PTPRK: variants seen among roughly 807,000 people sequenced by gnomAD.
PTPRK encodes the protein receptor-type tyrosine-protein phosphatase kappa.
A neutral mutation model predicts 178.0 loss-of-function variants in PTPRK; 75 were observed. The observed-to-expected ratio is 0.42, with a 90% CI of 0.35 to 0.51. PTPRK has a LOEUF of 0.51. Among genes scored for constraint, PTPRK ranks in the 20% least tolerant of loss-of-function variants. The probability of loss-of-function intolerance (pLI) is 0.02; values close to 1 mark genes in which losing one functional copy is unlikely to be tolerated. For missense variants in PTPRK, 1,441 were observed against 1,797.8 expected (o/e 0.80, Z 3.59); for synonymous variants, 637 against 620.6 (o/e 1.03, Z -0.39).
intron 7 of PTPRK, among the ~76,000 whole-genome samples, chr6:128,157,171 A>T (rs1180481600): frequency 6.6e-6 from 1 of 151,994 alleles, no homozygotes; most frequent in African/African-American, 2.4e-5. Flanking sequence ...GATCACAGGA[A>T]GTTGTTCCAG....
chr6:128,058,691 T>TA (rs1190039613), intron 13 of PTPRK, among the ~76,000 whole-genome samples: 1 of 152,064 alleles, frequency 6.6e-6, no homozygotes, highest in Non-Finnish European at 1.5e-5. Context: ...ATCTCCTGTC[T>TA]AAAAAATCCT....
chr6:128,114,520 T>A (rs1392331816), intron 7 of PTPRK, among the ~76,000 whole-genome samples: 1 of 149,954 alleles, frequency 6.7e-6, no homozygotes, highest in East Asian at 2.0e-4. Flanking sequence ...CTTGGAAGAA[T>A]GAGGCAAGAG....
intron 5 of PTPRK, among the ~76,000 whole-genome samples, chr6:128,224,169 A>G (rs1810883624): frequency 6.6e-6 from 1 of 152,190 alleles, no homozygotes; most frequent in Non-Finnish European, 1.5e-5. Flanking sequence ...TCACACAAAT[A>G]TATGATCCAA....
rs1407807055 is a variant in PTPRK at position 128,519,479 on chromosome 6, C to T, written c.100+780G>A. 6.6e-6 allele frequency among the ~76,000 whole-genome samples: 1 copy of T among 152,092 alleles called. No individual in the cohort carries two copies. The highest frequency in any genetic ancestry group is 1.5e-5 in the Non-Finnish European group (1 of 68,016). ...GATCCGGGGAGCGCGGGGCCAGAGC[C>T]CCAGGCCGGATCCGGGGAGCGCGGG... On this transcript the variant is annotated intron_variant, in intron 1 of 29. Transcript: ENST00000368226. The surrounding 1 kb of genome is among the most constrained non-coding windows in gnomAD (Gnocchi z 4.3).
At chr6:128,122,828 C>T (rs568268934) in intron 7 of PTPRK, among the ~76,000 whole-genome samples, 10 of 152,226 alleles carry the variant, frequency 6.6e-5, no homozygotes, top group African/African-American at 2.4e-4. Flanking sequence ...TAAGAAAATT[C>T]TAACACTTGG....
chr6:128,268,837 T>C (rs1819353486), intron 3 of PTPRK, among the ~76,000 whole-genome samples: 1 of 152,084 alleles, frequency 6.6e-6, no homozygotes, highest in African/African-American at 2.4e-5. Flanking sequence ...CTTTGCTAGC[T>C]ATATATTCTC....
At chr6:128,402,474 A>C (rs576971114) in intron 1 of PTPRK, among the ~76,000 whole-genome samples, 2 of 152,270 alleles carry the variant, frequency 1.3e-5, no homozygotes, top group African/African-American at 4.8e-5. Flanking sequence ...GGATGGTCTC[A>C]ATCTCTTGAC....
chr6:128,210,752 A>G (rs1378018865), intron 6 of PTPRK, among the ~76,000 whole-genome samples: 1 of 152,128 alleles, frequency 6.6e-6, no homozygotes, highest in African/African-American at 2.4e-5. Context: ...TAGCATGGCA[A>G]CATGAGAGTA....
chr6:128,176,647 CT>C (rs1023609805), intron 7 of PTPRK, among the ~76,000 whole-genome samples: 2 of 151,744 alleles, frequency 1.3e-5, no homozygotes, highest in African/African-American at 2.4e-5. Flanking sequence ...TTTGAACATG[CT>C]TTTTTTCCCC....
chr6:128,081,155 A>G (rs1385499520), intron 10 of PTPRK, among the ~76,000 whole-genome samples: 2 of 152,040 alleles, frequency 1.3e-5, no homozygotes, highest in Non-Finnish European at 1.5e-5. Context: ...CTAATTCCAG[A>G]GGGTAGAAAA....
intron 2 of PTPRK, 127 bp from the exon 3 acceptor site, chr6:128,322,437 GC>G: frequency 2.3e-6 from 2 of 882,946 alleles, no homozygotes; most frequent in Non-Finnish European, 3.5e-6. Context: ...CCAGAACACA[GC>G]CACAGAAATA....
intron 3 of PTPRK, among the ~76,000 whole-genome samples, chr6:128,270,598 C>A (rs1562172552): frequency 1.3e-5 from 2 of 152,128 alleles, no homozygotes; most frequent in Non-Finnish European, 2.9e-5. Context: ...CCACCATATT[C>A]AATTCCAAGC....
intron 1 of PTPRK, among the ~76,000 whole-genome samples, chr6:128,450,770 AAATT>A (rs1248037971): frequency 1.3e-5 from 2 of 152,224 alleles, no homozygotes. Context: ...TAAACATGTA[AAATT>A]AATTGTTAAA....
chr6:127,995,181 T>C, intron 18 of PTPRK: 1 of 1,413,152 alleles, frequency 7.1e-7, no homozygotes, highest in Non-Finnish European at 9.8e-7. Context: ...AGAGCGTTAG[T>C]AATAACTGTA....
intron 1 of PTPRK, among the ~76,000 whole-genome samples, chr6:128,470,065 T>C (rs926410225): frequency 1.3e-5 from 2 of 152,132 alleles, no homozygotes; most frequent in African/African-American, 2.4e-5. Flanking sequence ...GCAGCAGCCA[T>C]AGAAAACTAG....
chr6:128,373,900 T>C (rs928681346), intron 2 of PTPRK, among the ~76,000 whole-genome samples: 1 of 152,200 alleles, frequency 6.6e-6, no homozygotes, highest in Non-Finnish European at 1.5e-5. Context: ...TATTTTATCT[T>C]ATGTTACAAT....
At chr6:127,982,413 C>T (rs1054146181) in intron 24 of PTPRK, among the ~76,000 whole-genome samples, 10 of 152,172 alleles carry the variant, frequency 6.6e-5, no homozygotes, top group African/African-American at 2.2e-4. Flanking sequence ...GCTGGGACTA[C>T]AGGCACCCGC....
chr6:128,002,459 T>TTG (rs1377386945), intron 15 of PTPRK, among the ~76,000 whole-genome samples: 4 of 151,918 alleles, frequency 2.6e-5, no homozygotes, highest in African/African-American at 7.2e-5. Context: ...TGGTGTATAA[T>TTG]TAGTCAAGGA....
At chr6:128,173,472 G>A (rs180681954) in intron 7 of PTPRK, among the ~76,000 whole-genome samples, 53 of 151,972 alleles carry the variant, frequency 3.5e-4, no homozygotes, top group African/African-American at 1.2e-3. Context: ...CATGAATCTC[G>A]CAAGAGGAAT....
Sources: allele counts gnomAD v4.1 joint callset (sites outside exome capture counted in the v4.1 genomes callset), GRCh38; gene constraint gnomAD v4.1.1; non-coding constraint Gnocchi (gnomAD v3.1); transcripts MANE v1.5; gene names NCBI Gene and HGNC (gene_info 2026-07-23, HGNC 2026-07-21).